Variants in RIMS2 observed in about 807,000 individuals in gnomAD.
RIMS2 encodes the protein regulating synaptic membrane exocytosis 2.
In RIMS2, 59 loss-of-function variants were observed where a neutral mutation model predicts 174.4. The observed-to-expected ratio is 0.34, with a 90% confidence interval of 0.27 to 0.42. The LOEUF (loss-of-function observed/expected upper bound fraction) is 0.42, where lower values mean the gene tolerates loss of function less well. Ranked by LOEUF, RIMS2 falls within the 10% of genes least tolerant of loss-of-function variation. The pLI is 1.00. For synonymous variants in RIMS2, 606 were observed against 572.5 expected, an observed-to-expected ratio of 1.06 and a Z score of -0.84; for missense variants, 1,620 against 1,666.3, an observed-to-expected ratio of 0.97 and a Z score of 0.48.
intron 19 of RIMS2, among the ~76,000 whole-genome samples, chr8:104,057,196 A>G (rs2096884922): frequency 6.6e-6 from 1 of 151,540 alleles, no homozygotes; most frequent in Non-Finnish European, 1.5e-5. Flanking sequence ...CTTCCCATGC[A>G]TATGGGACCA....
intron 14 of RIMS2, among the ~76,000 whole-genome samples, chr8:103,954,215 G>T (rs1368254132): frequency 6.6e-6 from 1 of 152,050 alleles, no homozygotes; most frequent in East Asian, 1.9e-4. Flanking sequence ...AATTAACAAG[G>T]ATATTCAGGA....
chr8:103,837,188 CT>C (rs2098901544), intron 3 of RIMS2, among the ~76,000 whole-genome samples: 1 of 152,204 alleles, frequency 6.6e-6, no homozygotes, highest in Admixed American at 6.5e-5. Flanking sequence ...TTTGAGTTCT[CT>C]GCTTAGGGTC....
intron 19 of RIMS2, chr8:104,223,810 C>G (rs757586894): frequency 2.8e-5 from 45 of 1,586,594 alleles, no homozygotes; most frequent in Non-Finnish European, 3.8e-5. Context: ...CACCCCTTCC[C>G]CCGTAGTTGG....
intron 1 of RIMS2, 92 bp from the exon 3 acceptor site, chr8:103,652,532 G>A: frequency 1.7e-6 from 1 of 602,724 alleles, no homozygotes; most frequent in Non-Finnish European, 2.7e-6. Flanking sequence ...TGTAGCTTTT[G>A]TGCCTGTGTA....
intron 17 of RIMS2, among the ~76,000 whole-genome samples, chr8:104,003,156 C>T (rs1383777488): frequency 2.6e-5 from 4 of 152,092 alleles, no homozygotes; most frequent in Non-Finnish European, 4.4e-5. Flanking sequence ...GAACTACTAA[C>T]ATCTATGGTG....
chr8:103,866,872 AT>A (rs1297233565), intron 3 of RIMS2, among the ~76,000 whole-genome samples: 2 of 151,674 alleles, frequency 1.3e-5, no homozygotes, highest in Non-Finnish European at 2.9e-5. Context: ...ATTTTATTTT[AT>A]TTTTTGCATT....
At chr8:103,833,736 C>G (rs933151895) in intron 3 of RIMS2, among the ~76,000 whole-genome samples, 17 of 152,026 alleles carry the variant, frequency 1.1e-4, no homozygotes, top group Admixed American at 9.2e-4. Context: ...GATATCCTAT[C>G]TTTTTACTCA....
At chr8:104,159,550 T>C (rs1258423139) in intron 19 of RIMS2, among the ~76,000 whole-genome samples, 1 of 152,174 alleles carries the variant, frequency 6.6e-6, no homozygotes, top group Non-Finnish European at 1.5e-5. Flanking sequence ...GCACAAGAGT[T>C]CCAATTTCTT....
At chr8:103,879,133 G>A (rs964663236) in intron 3 of RIMS2, among the ~76,000 whole-genome samples, 3 of 151,556 alleles carry the variant, frequency 2.0e-5, no homozygotes, top group African/African-American at 4.8e-5. Context: ...GGAAATTGGA[G>A]CCCTAGAAAG....
At position 103,845,554 on chromosome 8, in the gene RIMS2, A is replaced by G. The variant is rs144298829; in HGVS notation, c.699-39744A>G. 8.5e-5 allele frequency among the ~76,000 whole-genome samples: 13 copies of G among 152,252 alleles called. No individual in the cohort carries two copies. In the East Asian group the frequency reaches 2.5e-3, roughly 29 times the overall value. On this transcript the variant is annotated intron_variant, in intron 3 of 23. Transcript: ENST00000504942. Reference sequence around the variant, plus strand: ...TACAGGTTTTAGAAATTATGTTTAGATAAGTAATATGCCCATGATTTCACA... The same window carrying G: ...TACAGGTTTTAGAAATTATGTTTAGGTAAGTAATATGCCCATGATTTCACA...
intron 3 of RIMS2, chr8:103,769,110 T>A (rs1453407794): frequency 5.5e-6 from 1 of 182,874 alleles, no homozygotes; most frequent in Non-Finnish European, 1.2e-5. Flanking sequence ...GTTTAAAAAT[T>A]AACCACATGA....
intron 3 of RIMS2, among the ~76,000 whole-genome samples, chr8:103,863,924 T>C (rs141533638): frequency 4.6e-5 from 7 of 151,834 alleles, no homozygotes; most frequent in African/African-American, 1.7e-4. Context: ...TTGTTTGTTT[T>C]TTTTGATGGA....
chr8:103,906,338 G>A (rs1032033682), intron 4 of RIMS2, among the ~76,000 whole-genome samples: 3 of 152,054 alleles, frequency 2.0e-5, no homozygotes, highest in East Asian at 1.9e-4. Flanking sequence ...TCCGCCTTCC[G>A]GGTTCAAATG....
At chr8:103,577,108 C>T (rs1234521991) in intron 1 of RIMS2, among the ~76,000 whole-genome samples, 2 of 152,130 alleles carry the variant, frequency 1.3e-5, no homozygotes, top group Non-Finnish European at 2.9e-5. Flanking sequence ...TTCTTCACAG[C>T]AGAAGGAACT....
intron 2 of RIMS2, among the ~76,000 whole-genome samples, chr8:103,749,196 C>T (rs1180972098): frequency 1.3e-5 from 2 of 151,462 alleles, no homozygotes; most frequent in Admixed American, 1.3e-4. Context: ...ACTGCAAGCT[C>T]CGCCTCCCAG....
At chr8:103,874,327 T>C (rs548980930) in intron 3 of RIMS2, among the ~76,000 whole-genome samples, 1 of 152,198 alleles carries the variant, frequency 6.6e-6, no homozygotes, top group East Asian at 1.9e-4. Flanking sequence ...CTGCTAATCA[T>C]GGCTCAACCC....
chr8:104,046,679 G>A (rs2096701893), intron 19 of RIMS2, among the ~76,000 whole-genome samples: 1 of 151,896 alleles, frequency 6.6e-6, no homozygotes, highest in Admixed American at 6.6e-5. Flanking sequence ...GATACTCTGT[G>A]TGCATTGATT....
At chr8:104,207,358 A>G (rs1362426186) in intron 19 of RIMS2, among the ~76,000 whole-genome samples, 2 of 152,224 alleles carry the variant, frequency 1.3e-5, no homozygotes, top group African/African-American at 2.4e-5. Context: ...CCAGTTTAAT[A>G]TATTCTTAAT....
intron 19 of RIMS2, among the ~76,000 whole-genome samples, chr8:104,206,703 C>G (rs1017931811): frequency 6.6e-6 from 1 of 152,200 alleles, no homozygotes; most frequent in African/African-American, 2.4e-5. Flanking sequence ...AAGGCTGGGA[C>G]ATATACCCAA....
Sources: allele counts gnomAD v4.1 joint callset (sites outside exome capture counted in the v4.1 genomes callset), GRCh38; gene constraint gnomAD v4.1.1; transcripts MANE v1.5; gene names NCBI Gene and HGNC (gene_info 2026-07-23, HGNC 2026-07-21).